Variants in DYSF observed in about 807,000 individuals in gnomAD.
DYSF encodes dysferlin, also known as dystrophy-associated fer-1-like 1.
DYSF carries 212 observed loss-of-function variants against 274.9 expected under a neutral mutation model. The ratio of observed to expected loss-of-function variants is 0.77; its 90% CI spans 0.69 to 0.86. The LOEUF (loss-of-function observed/expected upper bound fraction) is 0.86. DYSF is among the 40% of genes least tolerant of loss of function. DYSF has a pLI of 0.00. For missense variants in DYSF, 2,666 were observed against 2,783.2 expected, an observed-to-expected ratio of 0.96 and a Z score of 0.95; for synonymous variants, 1,091 against 1,078.7, an observed-to-expected ratio of 1.01 and a Z score of -0.22.
chr2:71,454,746 C>A (rs1019592876), intron 1 of DYSF, among the ~76,000 whole-genome samples: 2 of 152,188 alleles, frequency 1.3e-5, no homozygotes, highest in African/African-American at 4.8e-5. Context: ...CAGAGTGAGG[C>A]CTCCTTGAGC....
chr2:71,463,798 A>G (rs3923750), upstream of DYSF, among the ~76,000 whole-genome samples: 26,974 of 152,210 alleles, frequency 0.18, 2,719 homozygotes, highest in East Asian at 0.48. Flanking sequence ...ACATACCTCT[A>G]GCTAGACCAA....
intron 21 of DYSF, 132 bp downstream of exon 21, chr2:71,554,063 T>C: frequency 7.3e-7 from 1 of 1,376,712 alleles, no homozygotes; most frequent in South Asian, 1.2e-5. Flanking sequence ...CCTTTGTGGT[T>C]GGTGTCCTCT....
At chr2:71,519,160 G>C (rs1295965431) in intron 10 of DYSF, among the ~76,000 whole-genome samples, 3 of 147,716 alleles carry the variant, frequency 2.0e-5, no homozygotes, top group Non-Finnish European at 4.5e-5. Context: ...CAGTGGGTGA[G>C]ATTTCTTTGT....
intron 34 of DYSF, 170 bp from the exon 35 acceptor site, chr2:71,601,329 G>C: frequency 1.2e-6 from 1 of 837,438 alleles, no homozygotes. Flanking sequence ...TCTGGGTGAA[G>C]TGTCTGGAGG....
At chr2:71,566,352 GCAAAA>G (rs2092105652) in intron 24 of DYSF, among the ~76,000 whole-genome samples, 1 of 32,038 alleles carries the variant, frequency 3.1e-5, no homozygotes. Flanking sequence ...CTGGTTTCAA[GCAAAA>G]AAAAAAAAAA....
chr2:71,464,840 A>T (rs1390228940), upstream of DYSF, among the ~76,000 whole-genome samples: 1 of 152,108 alleles, frequency 6.6e-6, no homozygotes, highest in Non-Finnish European at 1.5e-5. Context: ...CGATTAAATG[A>T]CTCAGGCAAG....
At chr2:71,538,968 ACCT>A (rs1348587811) in intron 16 of DYSF, among the ~76,000 whole-genome samples, 186 bp from the exon 17 acceptor site, 1 of 151,984 alleles carries the variant, frequency 6.6e-6, no homozygotes, top group Non-Finnish European at 1.5e-5. Context: ...TCTTGGGCAA[ACCT>A]CCTGTGCAGT....
At chr2:71,554,014 C>G in intron 21 of DYSF, 83 bp downstream of exon 21, 2 of 1,595,778 alleles carry the variant, frequency 1.3e-6, no homozygotes, top group Non-Finnish European at 8.6e-7. Context: ...AGACCACCAC[C>G]CACTGGTGCA....
At chr2:71,600,673 T>C (rs2093528233) in intron 33 of DYSF, 29 bp from the exon 34 acceptor site, 1 of 1,613,954 alleles carries the variant, frequency 6.2e-7, no homozygotes, top group Non-Finnish European at 8.5e-7. Context: ...TAAGGGATGC[T>C]GATTCTTGTC....
At chr2:71,493,090 T>C (rs958407541) in intron 3 of DYSF, among the ~76,000 whole-genome samples, 1 of 152,112 alleles carries the variant, frequency 6.6e-6, no homozygotes, top group Non-Finnish European at 1.5e-5. Flanking sequence ...GGTCTCACTA[T>C]GTTGTCCAGG....
chr2:71,514,630 A>T (rs2086465002), intron 7 of DYSF, among the ~76,000 whole-genome samples: 1 of 152,036 alleles, frequency 6.6e-6, no homozygotes. Context: ...TCACACAGTG[A>T]TATTTAACTC....
intron 3 of DYSF, among the ~76,000 whole-genome samples, chr2:71,490,230 C>A (rs139702153): frequency 4.3e-4 from 65 of 152,304 alleles, no homozygotes; most frequent in African/African-American, 1.4e-3. Flanking sequence ...TATAAAAGTG[C>A]ATTTCATTCT....
At chr2:71,576,849 G>T (rs1052588867) in intron 30 of DYSF, 2 of 152,284 alleles carry the variant, frequency 1.3e-5, no homozygotes, top group African/African-American at 4.8e-5. Context: ...AATGAGGGGG[G>T]GCACTTCCCA....
At chr2:71,532,581 T>C (rs2088854093) in intron 14 of DYSF, among the ~76,000 whole-genome samples, 1 of 152,154 alleles carries the variant, frequency 6.6e-6, no homozygotes, top group Admixed American at 6.5e-5. Flanking sequence ...CCAGCTGCTG[T>C]TCAAGCCCCC....
intron 24 of DYSF, among the ~76,000 whole-genome samples, chr2:71,565,125 G>T (rs1489176551): frequency 6.6e-6 from 1 of 151,832 alleles, no homozygotes; most frequent in African/African-American, 2.4e-5. Context: ...CTATTGCCCA[G>T]GCTGGAGTGT....
At chr2:71,663,277 C>T (rs1278843376) in intron 45 of DYSF, among the ~76,000 whole-genome samples, 1 of 152,204 alleles carries the variant, frequency 6.6e-6, no homozygotes, top group African/African-American at 2.4e-5. Context: ...CCTCAGAGAG[C>T]CCCCCGTGAG....
intron 3 of DYSF, among the ~76,000 whole-genome samples, chr2:71,495,648 C>T (rs1344870159): frequency 3.9e-5 from 6 of 152,108 alleles, no homozygotes; most frequent in African/African-American, 9.7e-5. Flanking sequence ...CAGTCTGAGC[C>T]GTACCCACTC....
intron 1 of DYSF, among the ~76,000 whole-genome samples, chr2:71,479,393 C>T (rs2082693762): frequency 6.6e-6 from 1 of 151,908 alleles, no homozygotes; most frequent in South Asian, 2.1e-4. Flanking sequence ...AACCCCTCAC[C>T]CTGACCTGTC....
At chr2:71,662,811 GGT>G (rs988420177) in intron 45 of DYSF, among the ~76,000 whole-genome samples, 1 of 150,316 alleles carries the variant, frequency 6.7e-6, no homozygotes, top group African/African-American at 2.5e-5. Flanking sequence ...GTCTGTGTGT[GGT>G]GTGTGTATAT....
Sources: allele counts gnomAD v4.1 joint callset (sites outside exome capture counted in the v4.1 genomes callset), GRCh38; gene constraint gnomAD v4.1.1; transcripts MANE v1.5; gene names NCBI Gene and HGNC (gene_info 2026-07-23, HGNC 2026-07-21).